Variants in ARHGAP25 observed in about 807,000 individuals in gnomAD.
The protein encoded by ARHGAP25 is Rho GTPase activating protein 25, also known as rho GTPase-activating protein 25.
ARHGAP25 carries 34 observed loss-of-function variants against 71.0 expected under a neutral mutation model. The observed-to-expected ratio is 0.48, with a 90% CI of 0.36 to 0.64. The LOEUF is 0.64. ARHGAP25 is among the 30% of genes least tolerant of loss of function. The pLI is 0.00. For missense variants in ARHGAP25, 706 were observed against 805.1 expected, an observed-to-expected ratio of 0.88 and a Z score of 1.49; for synonymous variants, 282 against 296.5, an observed-to-expected ratio of 0.95 and a Z score of 0.50.
rs532145313 is a variant in ARHGAP25, at chr2:68,735,077, A to C, written c.-123A>C. The C allele has an allele frequency of 7.1e-6, 6 of 850,056 alleles. No individual in the cohort carries two copies. In the Admixed American group the frequency reaches 9.1e-5, roughly 13 times the overall value. The allele number at this position is 850,056 out of a possible 1,614,324, so 52.7% of individuals were successfully genotyped here. ...AGCCTCAAGCCTAAGATTGCTTGTG[A>C]AGCAATCATAAGGAGGAACAAAAAC... On this transcript the variant is annotated 5_prime_UTR_variant, in exon 1 of 11. Transcript: ENST00000409202.
chr2:68,781,775 T>C (rs1201401575), intron 2 of ARHGAP25, among the ~76,000 whole-genome samples: 3 of 152,242 alleles, frequency 2.0e-5, no homozygotes, highest in Non-Finnish European at 4.4e-5. Context: ...AGGTGGTTAG[T>C]GAAGGTGCGA....
chr2:68,752,562 G>A (rs1201462408), intron 1 of ARHGAP25, among the ~76,000 whole-genome samples: 5 of 152,128 alleles, frequency 3.3e-5, no homozygotes, highest in Admixed American at 2.0e-4. Context: ...ACTTTGGCTT[G>A]AACATTCCCC....
At chr2:68,723,886 C>T (rs1674822218) in intron 2 of ARHGAP25, among the ~76,000 whole-genome samples, 1 of 151,926 alleles carries the variant, frequency 6.6e-6, no homozygotes, top group South Asian at 2.1e-4. Context: ...CTCTCTTTCT[C>T]TCTCGGTGGG....
rs368049649 is a variant in ARHGAP25 at position 68,780,386 on chromosome 2, A to G, written c.262-1847A>G. 3.9e-5 allele frequency among the ~76,000 whole-genome samples: 6 copies of G among 152,294 alleles called. No individual in the cohort carries two copies. The East Asian group carries it at 1.2e-3, about 29-fold the overall frequency. ...CAGTGCTCCATCCTGCCTAAAAGCA[A>G]CAAGGCCTTTTATTCTGGTGCCATA... On this transcript the variant is annotated intron_variant, in intron 2 of 10. Transcript: ENST00000409202.
Position 68,807,592 on chromosome 2 carries a change from G to C in ARHGAP25, c.674+112G>C, listed in dbSNP as rs1232095127. The C allele has an allele frequency of 1.1e-5, 12 of 1,089,522 alleles. No homozygotes were observed. In the East Asian group the frequency reaches 2.9e-4, roughly 27 times the overall value. 67.5% of individuals were successfully genotyped at this position (1,089,522 alleles called of 1,614,324 possible). A position where few individuals can be genotyped will look rare whatever the true frequency, so the allele number is the denominator to read the frequency against. ...GGGACTTGCATAGAGACTTCTAAGA[G>C]CCCTGGCTTACAACAGAAAGAGCCT... On this transcript the variant is annotated intron_variant, in intron 5 of 10. Transcript: ENST00000409202.
intron 1 of ARHGAP25, among the ~76,000 whole-genome samples, chr2:68,763,719 G>C (rs1282891044): frequency 6.6e-6 from 1 of 152,096 alleles, no homozygotes; most frequent in Non-Finnish European, 1.5e-5. Context: ...CTCTAACTCT[G>C]CAGAGTTTCT....
At chr2:68,745,924 AT>A (rs1553395194) in intron 1 of ARHGAP25, among the ~76,000 whole-genome samples, 1 of 152,202 alleles carries the variant, frequency 6.6e-6, no homozygotes, top group Non-Finnish European at 1.5e-5. Flanking sequence ...GTGACCTCAC[AT>A]TATGGAAGAG....
Position 68,822,358 on chromosome 2 carries a change from A to G in ARHGAP25, c.1219A>G (p.Thr407Ala), listed in dbSNP as rs1216119502. The change falls in exon 10 of 11, where the codon ACC becomes GCC. Residue 407 changes from threonine to alanine, a missense_variant. Physicochemically the swap from Thr to Ala is moderately conservative, Grantham distance 58 (BLOSUM62 0). Coordinates refer to ENST00000409202, the MANE Select transcript of ARHGAP25 (RefSeq NM_001007231.3). ...TTTCTAGACAAGCGACTCTGATACA[A>G]CCAGCCCCACCGGACAGCAGCCGAG... ...FSSMTSDSDT[T>A]SPTGQQPSDA... The G allele has an allele frequency of 6.2e-7, 1 of 1,613,802 alleles. No homozygotes were observed. The highest frequency in any genetic ancestry group is 8.5e-7 in the Non-Finnish European group (1 of 1,179,920).
intron 5 of ARHGAP25, among the ~76,000 whole-genome samples, chr2:68,807,737 T>C (rs1326375221): frequency 6.6e-6 from 1 of 152,088 alleles, no homozygotes; most frequent in Non-Finnish European, 1.5e-5. Context: ...ATTCAGGTGA[T>C]GTTTAAGGCA....
rs1386355199 is a variant in ARHGAP25 at position 68,822,691 on chromosome 2, A to G, written c.1552A>G (p.Ser518Gly). Reference sequence around the variant, plus strand: ...GCCAGGGTCCCCTGGGGAGGAAGCCAGTGCACTCTCTTCCCAAGCCTGTGA... The same window carrying G: ...GCCAGGGTCCCCTGGGGAGGAAGCCGGTGCACTCTCTTCCCAAGCCTGTGA... ...SLPGSPGEEA[S>G]ALSSQACDSK... Residue 518 changes from serine to glycine, a missense_variant, in exon 10 of 11, where the codon AGT (serine) becomes GGT (glycine). Physicochemically the swap from Ser to Gly is moderately conservative, Grantham distance 56. Transcript: ENST00000409202. 6.2e-7 allele frequency: 1 copy of G among 1,614,148 alleles called. No individual in the cohort carries two copies. Among genetic ancestry groups the G allele is most frequent in the Non-Finnish European group, 8.5e-7 (1 of 1,179,998 alleles).
At chr2:68,722,420 A>T (rs1239983690) in intron 2 of ARHGAP25, among the ~76,000 whole-genome samples, 2 of 151,776 alleles carry the variant, frequency 1.3e-5, no homozygotes, top group African/African-American at 4.8e-5. Context: ...TCTACTAAAA[A>T]TGCAAAAATC....
intron 2 of ARHGAP25, 45 bp downstream of exon 2, chr2:68,775,465 C>T (rs775425798): frequency 4.3e-6 from 7 of 1,612,194 alleles, no homozygotes; most frequent in South Asian, 1.1e-5. Flanking sequence ...ACGGAGGAGG[C>T]GGGCCTGGAG....
chr2:68,814,549 G>A (rs185212528), intron 6 of ARHGAP25, among the ~76,000 whole-genome samples: 37 of 152,224 alleles, frequency 2.4e-4, no homozygotes, highest in Non-Finnish European at 1.5e-5. Context: ...TGATACTGGT[G>A]GGTGACTTTA....
At chr2:68,792,007 C>A (rs1419075191) in intron 4 of ARHGAP25, among the ~76,000 whole-genome samples, 1 of 152,160 alleles carries the variant, frequency 6.6e-6, no homozygotes. Context: ...CTACTCCTTC[C>A]TTTTAGTAAG....
At chr2:68,821,906 GTTTTTTT>G (rs59964574) in intron 9 of ARHGAP25, among the ~76,000 whole-genome samples, 105 of 81,634 alleles carry the variant, frequency 1.3e-3, no homozygotes, top group African/African-American at 1.8e-3. Context: ...CTTTTTGCTA[GTTTTTTT>G]TTTTTTTTTT....
chr2:68,748,875 G>A lies in ARHGAP25; in HGVS notation c.61+13615G>A, dbSNP rs567618552. Among the ~76,000 whole-genome samples the A allele has an allele frequency of 1.3e-4, 20 of 152,312 alleles. No individual in the cohort carries two copies. In the South Asian group the frequency reaches 3.7e-3, roughly 28 times the overall value. ...CTCCTATAATCAAAGTCTTCTTGAT[G>A]ATTGAAACTCAAGTGTGGGCAGAGA... On this transcript the variant is annotated intron_variant, in intron 1 of 10. Transcript: ENST00000409202.
At chr2:68,719,523 G>A (rs891839233) in intron 2 of ARHGAP25, among the ~76,000 whole-genome samples, 1 of 151,458 alleles carries the variant, frequency 6.6e-6, no homozygotes, top group African/African-American at 2.4e-5. Context: ...TGTTGAAAAT[G>A]TAGAGGAAAA....
At chr2:68,773,786 A>G (rs1677645120) in intron 1 of ARHGAP25, among the ~76,000 whole-genome samples, 1 of 152,248 alleles carries the variant, frequency 6.6e-6, no homozygotes. Flanking sequence ...GATGACTCCC[A>G]TCCTTTTAGT....
At chr2:68,784,489 G>C (rs1243574070) in intron 3 of ARHGAP25, among the ~76,000 whole-genome samples, 1 of 151,886 alleles carries the variant, frequency 6.6e-6, no homozygotes, top group Admixed American at 6.6e-5. Context: ...TTAATTGTAG[G>C]CATGCTAGTT....
Sources: allele counts gnomAD v4.1 joint callset (sites outside exome capture counted in the v4.1 genomes callset), GRCh38; gene constraint gnomAD v4.1.1; transcripts MANE v1.5; gene names NCBI Gene and HGNC (gene_info 2026-07-23, HGNC 2026-07-21).